Variants in BEST2 observed in about 807,000 individuals in gnomAD.
The protein encoded by BEST2 is bestrophin-2a.
Under a neutral mutation model 49.0 loss-of-function variants are expected in BEST2, and 36 were observed. The ratio of observed to expected loss-of-function variants is 0.73; its 90% CI spans 0.56 to 0.97. BEST2 has a LOEUF of 0.97. Ranked by LOEUF, BEST2 falls within the 50% of genes least tolerant of loss-of-function variation. The probability of loss-of-function intolerance (pLI) is 0.00; values close to 1 mark genes in which losing one functional copy is unlikely to be tolerated. For synonymous variants in BEST2, 335 were observed against 304.4 expected (o/e 1.10, Z -1.05); for missense variants, 672 against 710.0 (o/e 0.95, Z 0.61).
In BEST2 at chr19:12,754,545, C is replaced by T; in HGVS notation, c.248-7C>T. ...CCACTGAGCCCCCATTCCCCGCTCCCCTGCAGGCTTTTATGTGACGCTGGT... is the reference window on the plus strand; with the variant it reads ...CCACTGAGCCCCCATTCCCCGCTCCTCTGCAGGCTTTTATGTGACGCTGGT... On this transcript the variant is annotated splice_region_variant and splice_polypyrimidine_tract_variant and intron_variant, in intron 3 of 9. Transcript: ENST00000553030. The T allele has an allele frequency of 6.7e-7, 1 of 1,498,298 alleles. No homozygotes were observed. Among genetic ancestry groups the T allele is most frequent in the Non-Finnish European group, 9.0e-7 (1 of 1,115,158 alleles). The allele number at this position is 1,498,298 out of a possible 1,614,324, so 92.8% of individuals were successfully genotyped here.
At chr19:12,753,505 T>C in intron 3 of BEST2, 151 bp downstream of exon 3, 1 of 696,084 alleles carries the variant, frequency 1.4e-6, no homozygotes, top group Non-Finnish European at 2.5e-6. Context: ...TGGATCCATA[T>C]CATGAAGATG....
At chr19:12,757,519 G>A (rs768487915) in intron 9 of BEST2, 132 bp from the exon 10 acceptor site, 19 of 1,025,104 alleles carry the variant, frequency 1.9e-5, no homozygotes, top group Non-Finnish European at 2.6e-5. Context: ...CAGGCTCTGG[G>A]TTTAGGAGCT....
In BEST2 at chr19:12,755,566, T is replaced by C. The variant is rs1967932121; in HGVS notation, c.715-49T>C. On this transcript the variant is annotated intron_variant, in intron 6 of 9. Transcript: ENST00000553030. The surrounding 1 kb of genome is among the most constrained non-coding windows in gnomAD (Gnocchi z 4.4). ...CCCCCATCATAATGATGCCTAATCC[T>C]AGCCTTGGACCCCAATGACCCCCCT... 6.2e-7 allele frequency: 1 copy of C among 1,609,610 alleles called. No individual in the cohort carries two copies. The highest frequency in any genetic ancestry group is 1.3e-5 in the African/African-American group (1 of 74,816).
rs764072623 is a variant in BEST2, at chr19:12,758,103, A to C, written c.*26A>C. On this transcript the variant is annotated 3_prime_UTR_variant, in exon 10 of 10. Coordinates refer to ENST00000553030, the MANE Select transcript of BEST2 (RefSeq NM_017682.3). ...GATCTTAGAGCCCAGCCCCCTAAGG[A>C]CAGGGAACCAGGTCCCTGCACGGCA... The C allele has an allele frequency of 5.6e-6, 9 of 1,608,240 alleles. No individual in the cohort carries two copies. In the Admixed American group the frequency reaches 1.5e-4, roughly 27 times the overall value.
At chr19:12,756,079 C>G (rs1967940643) in intron 8 of BEST2, 62 bp from the exon 9 acceptor site, 1 of 1,608,362 alleles carries the variant, frequency 6.2e-7, no homozygotes, top group East Asian at 2.2e-5. Flanking sequence ...CCGAAGGGGT[C>G]CACCCTGTGG....
At chr19:12,756,773 G>C (rs1967950005) in intron 9 of BEST2, 1 of 177,210 alleles carries the variant, frequency 5.6e-6, no homozygotes, top group Admixed American at 5.5e-5. Flanking sequence ...TTGAGTCGAG[G>C]AGTTCGAGGC....
chr19:12,757,712 G>A lies in BEST2; in HGVS notation c.1165G>A (p.Ala389Thr), dbSNP rs1967961978. Residue 389 changes from alanine (A) to threonine (T), a missense_variant, in exon 10 of 10, where the codon GCG becomes ACG. By Grantham distance (58) the Ala-to-Thr change is moderately conservative (BLOSUM62 0). Around this residue, in one of 3 missense-constraint regions of BEST2, gnomAD observed 291 missense variants for 279.8 expected, o/e 1.04. Coordinates refer to ENST00000553030, the MANE Select transcript of BEST2 (RefSeq NM_017682.3). ...CGGCTTGGATGGACCGATGGGAGAGGCGCCCGGCGACTTCCTGCAGCGCCT... is the reference window on the plus strand; with the variant it reads ...CGGCTTGGATGGACCGATGGGAGAGACGCCCGGCGACTTCCTGCAGCGCCT... ...LDGLDGPMGEAPGDFLQRLLP... is the reference protein window; with the variant it reads ...LDGLDGPMGETPGDFLQRLLP... The A allele has an allele frequency of 4.5e-6, 7 of 1,546,004 alleles. No homozygotes were observed. The highest frequency in any genetic ancestry group is 2.4e-5 in the South Asian group (2 of 84,166).
intron 3 of BEST2, among the ~76,000 whole-genome samples, chr19:12,753,800 A>G (rs1340477996): frequency 6.6e-6 from 1 of 151,958 alleles, no homozygotes; most frequent in Admixed American, 6.6e-5. Context: ...CCTGATGTAG[A>G]CCCTGTCCCC....
Position 12,755,080 on chromosome 19 carries a change from C to T in BEST2, c.636+49C>T, listed in dbSNP as rs766187425. 6.5e-7 allele frequency: 1 copy of T among 1,547,530 alleles called. No individual in the cohort carries two copies. Among genetic ancestry groups the T allele is most frequent in the Non-Finnish European group, 8.7e-7 (1 of 1,150,796 alleles). ...CATATAGAATACCAGGGAAATTGTA[C>T]CCCTGGAGCTGTGTCAACGGCGGCC... is the stretch of plus-strand genomic sequence containing the variant. On this transcript the variant is annotated intron_variant, in intron 5 of 9. Coordinates refer to ENST00000553030, the MANE Select transcript of BEST2 (RefSeq NM_017682.3). This position sits in a 1 kb window ranked among gnomAD's most constrained non-coding sequence, Gnocchi z 4.4.
At chr19:12,753,584 C>T (rs1405346049) in intron 3 of BEST2, among the ~76,000 whole-genome samples, 1 of 152,014 alleles carries the variant, frequency 6.6e-6, no homozygotes, top group Non-Finnish European at 1.5e-5. Flanking sequence ...GAGGTGCCCC[C>T]AGGAGAGCTC....
chr19:12,756,251 C>A lies in BEST2; in HGVS notation c.1059C>A (p.Phe353Leu), dbSNP rs1267109837. Residue 353 changes from phenylalanine to leucine, a missense_variant, in exon 9 of 10, where the codon TTC becomes TTA. Transcript: ENST00000553030. ...ARAPYTAATV[F>L]QLRQPSFQGS... The stretch of plus-strand genomic sequence containing the variant: ...CCCCATACACAGCGGCTACTGTCTT[C>A]CAGCTGCGGCAGCCTTCCTTCCAGG... The A allele has an allele frequency of 1.2e-6, 2 of 1,614,038 alleles. No homozygotes were observed. Among genetic ancestry groups the A allele is most frequent in the Non-Finnish European group, 1.7e-6 (2 of 1,180,052 alleles).
chr19:12,753,483 C>A, intron 3 of BEST2, 129 bp downstream of exon 3: 1 of 812,814 alleles, frequency 1.2e-6, no homozygotes, highest in Non-Finnish European at 2.0e-6. Context: ...GACAGCACTG[C>A]CCACCCATTT....
chr19:12,753,491 T>A, intron 3 of BEST2, 137 bp downstream of exon 3: 1 of 720,708 alleles, frequency 1.4e-6, no homozygotes, highest in Admixed American at 2.5e-5. Flanking sequence ...TGCCCACCCA[T>A]TTTTGGATCC....
Position 12,756,140 on chromosome 19 carries a change from G to T in BEST2, c.949-1G>T. The T allele has an allele frequency of 1.2e-6, 2 of 1,614,250 alleles. No individual in the cohort carries two copies. The highest frequency in any genetic ancestry group is 1.7e-6 in the Non-Finnish European group (2 of 1,180,048). ...TTTACCCTGTGTGTTTGCACCCGTA[G>T]GTGTCCATGCTGGCAGTGGACGAGA... On this transcript the variant is annotated splice_acceptor_variant, in intron 8 of 9. Transcript: ENST00000553030. LOFTEE classifies it high-confidence loss of function.
rs184526681 is a variant in BEST2 at position 12,757,957 on chromosome 19, G to C, written c.1410G>C (p.Pro470=). 1.9e-6 allele frequency: 3 copies of C among 1,602,300 alleles called. No individual in the cohort carries two copies. The highest frequency in any genetic ancestry group is 1.7e-6 in the Non-Finnish European group (2 of 1,176,066). ...PEAPPPAGPE[P]LTLIPGPVEP... The stretch of plus-strand genomic sequence containing the variant: ...CCCCGCCCCCTGCGGGTCCCGAACC[G>C]CTTACCCTCATCCCTGGGCCTGTCG... Residue 470 remains proline (P), a synonymous_variant, in exon 10 of 10, where the codon CCG becomes CCC. Coordinates refer to ENST00000553030, the MANE Select transcript of BEST2 (RefSeq NM_017682.3).
chr19:12,754,483 C>A, intron 3 of BEST2, 69 bp from the exon 4 acceptor site: 1 of 1,322,680 alleles, frequency 7.6e-7, no homozygotes, highest in Non-Finnish European at 1.0e-6. Flanking sequence ...CCCCCTCTCC[C>A]ACAACCTGGG....
rs373745616 is a variant in BEST2 at position 12,753,959 on chromosome 19, C to T, written c.248-593C>T. Among the ~76,000 whole-genome samples the T allele has an allele frequency of 6.6e-5, 10 of 151,804 alleles. No homozygotes were observed. The South Asian group carries it at 1.2e-3, about 19-fold the overall frequency. On this transcript the variant is annotated intron_variant, in intron 3 of 9. Transcript: ENST00000553030. Reference sequence around the variant, plus strand: ...TTCACAGCAAGCAACAGTCTGCCCACGTGCCCCTAACATGGGCTCTGTGCC... The same window carrying T: ...TTCACAGCAAGCAACAGTCTGCCCATGTGCCCCTAACATGGGCTCTGTGCC...
rs1264947760 is a variant in BEST2 at position 12,752,616 on chromosome 19, A to C, written c.24A>C (p.Arg8=). The change falls in exon 2 of 10, where the codon CGA becomes CGC. Residue 8 remains arginine (R), a synonymous_variant. Transcript: ENST00000553030. MTVTYTA[R]VANARFGGFS... is the part of the protein sequence containing the mutation. Reference sequence around the variant, plus strand: ...CGATGACCGTCACCTACACAGCCCGAGTGGCGAACGCCCGCTTCGGTGGCT... The same window carrying C: ...CGATGACCGTCACCTACACAGCCCGCGTGGCGAACGCCCGCTTCGGTGGCT... 3.1e-6 allele frequency: 5 copies of C among 1,611,990 alleles called. No individual in the cohort carries two copies.
In BEST2 at chr19:12,758,063, G is replaced by A. The variant is rs1967968434; in HGVS notation, c.1516G>A (p.Glu506Lys). 1 of 1,612,932 alleles carries A rather than the reference G, an allele frequency of 6.2e-7. No homozygotes were observed. Among genetic ancestry groups the A allele is most frequent in the Non-Finnish European group, 8.5e-7 (1 of 1,179,840 alleles). ...GCCCAGCCCTATTGGCGAGGAGGAG[G>A]AGAATCTGGCCTGAGATCTTAGAGC... ...WLPSPIGEEE[E>K]NLA is the part of the protein sequence containing the mutation. Residue 506 changes from glutamate (E) to lysine (K), a missense_variant, in exon 10 of 10, where the codon GAG (glutamate) becomes AAG (lysine). Glu to Lys is a moderately conservative substitution (Grantham distance 56). Transcript: ENST00000553030.
Sources: allele counts gnomAD v4.1 joint callset (sites outside exome capture counted in the v4.1 genomes callset), GRCh38; gene constraint gnomAD v4.1.1; regional missense constraint gnomAD v4.1.1; non-coding constraint Gnocchi (gnomAD v3.1); transcripts MANE v1.5; gene names NCBI Gene and HGNC (gene_info 2026-07-23, HGNC 2026-07-21).